WDR7: variants seen among roughly 807,000 people sequenced by gnomAD.
WDR7 encodes WD repeat domain 7, also known as WD repeat-containing protein 7.
WDR7 carries 46 observed loss-of-function variants against 169.4 expected under a neutral mutation model. The observed-to-expected ratio is 0.27, with a 90% confidence interval of 0.21 to 0.35. The LOEUF (loss-of-function observed/expected upper bound fraction) is 0.35, where lower values mean the gene tolerates loss of function less well. Ranked by LOEUF, WDR7 falls within the 10% of genes least tolerant of loss-of-function variation. The probability of loss-of-function intolerance (pLI) is 1.00; values close to 1 mark genes in which losing one functional copy is unlikely to be tolerated. For missense variants in WDR7, 1,534 were observed against 1,859.3 expected (o/e 0.83, Z 3.22); for synonymous variants, 612 against 666.8 (o/e 0.92, Z 1.27).
chr18:56,801,110 C>A (rs1350716842), intron 19 of WDR7, among the ~76,000 whole-genome samples: 1 of 152,096 alleles, frequency 6.6e-6, no homozygotes, highest in African/African-American at 2.4e-5. Context: ...AAGATTTAAT[C>A]TTTTTCCTTT....
chr18:56,780,873 G>C (rs1410254188), intron 18 of WDR7, among the ~76,000 whole-genome samples: 3 of 152,102 alleles, frequency 2.0e-5, no homozygotes, highest in African/African-American at 7.2e-5. Flanking sequence ...TGGCATTTTT[G>C]CCAAAATAAC....
Position 56,682,783 on chromosome 18 carries a change from C to A in WDR7, c.450C>A (p.Tyr150Ter). 1 of 1,613,824 alleles carries A rather than the reference C, an allele frequency of 6.2e-7. No homozygotes were observed. Among genetic ancestry groups the A allele is most frequent in the Non-Finnish European group, 8.5e-7 (1 of 1,179,788 alleles). Reference sequence around the variant, plus strand: ...ATGCTACCAGCCTTGAAGTATTATACTCCTTAGTATCAAAGATATCACCAG... The same window carrying A: ...ATGCTACCAGCCTTGAAGTATTATAATCCTTAGTATCAAAGATATCACCAG... ...VVDATSLEVL[Y>*]SLVSKISPDW... The change falls in exon 5 of 28, where the codon TAC (tyrosine) becomes TAA (stop). Residue 150 changes from tyrosine to a stop codon, truncating the protein, a stop_gained. Transcript: ENST00000254442. LOFTEE classifies it high-confidence loss of function.
chr18:57,034,341 CTCTG>C (rs961871109), downstream of WDR7: 28 of 152,452 alleles, frequency 1.8e-4, no homozygotes, highest in African/African-American at 6.5e-4. Flanking sequence ...AGCTCAACCT[CTCTG>C]TCTGCCCAGG....
chr18:56,879,732 G>A (rs1032767218), intron 20 of WDR7, among the ~76,000 whole-genome samples: 4 of 150,512 alleles, frequency 2.7e-5, no homozygotes, highest in African/African-American at 9.8e-5. Context: ...GTTATATTTA[G>A]GATTATGATC....
chr18:57,012,961 C>T (rs915538498), intron 26 of WDR7, among the ~76,000 whole-genome samples: 4 of 152,194 alleles, frequency 2.6e-5, no homozygotes, highest in African/African-American at 7.2e-5. Flanking sequence ...TGGAACAGCA[C>T]CTGGCATATC....
intron 1 of WDR7, among the ~76,000 whole-genome samples, chr18:56,667,516 T>C (rs2025049482): frequency 6.6e-6 from 1 of 152,208 alleles, no homozygotes; most frequent in African/African-American, 2.4e-5. Context: ...TGGAACCTTG[T>C]ATTTTCTCTC....
chr18:56,779,628 T>C (rs1167452196), intron 18 of WDR7, 79 bp downstream of exon 18: 10 of 1,025,658 alleles, frequency 9.7e-6, no homozygotes, highest in Non-Finnish European at 1.3e-5. Context: ...ACAAAAATGA[T>C]TACTGTTTAT....
chr18:56,794,304 A>ATTTTTTTTCTTTTTTTTTTTTTTTT (rs2044544165), intron 19 of WDR7, among the ~76,000 whole-genome samples: 1 of 49,466 alleles, frequency 2.0e-5, no homozygotes, highest in African/African-American at 6.6e-5. Context: ...GGTAAAGTCT[A>ATTTTTTTTCTTTTTTTTTTTTTTTT]TTTTTTTTTT....
intron 14 of WDR7, among the ~76,000 whole-genome samples, chr18:56,741,889 G>T (rs1169002483): frequency 1.3e-5 from 2 of 152,086 alleles, no homozygotes; most frequent in Non-Finnish European, 2.9e-5. Flanking sequence ...TGTGATGATT[G>T]CATAATACCA....
rs867392193 is a variant in WDR7 at position 56,898,186 on chromosome 18, G to A, written c.3526+18021G>A. On this transcript the variant is annotated intron_variant, in intron 21 of 27. Coordinates refer to ENST00000254442, the MANE Select transcript of WDR7 (RefSeq NM_015285.3). ...AATAGCCAAAACTGGAACAATTTAGGCAACAAAATATGATATATTTTATGG... is the reference window on the plus strand; with the variant it reads ...AATAGCCAAAACTGGAACAATTTAGACAACAAAATATGATATATTTTATGG... Among the ~76,000 whole-genome samples, 4 of 151,770 alleles carry A rather than the reference G, an allele frequency of 2.6e-5. No homozygotes were observed. In the South Asian group the frequency reaches 6.2e-4, roughly 24 times the overall value.
chr18:56,729,830 G>C (rs2026543517), intron 13 of WDR7, among the ~76,000 whole-genome samples: 1 of 152,002 alleles, frequency 6.6e-6, no homozygotes, highest in Admixed American at 6.6e-5. Context: ...ATTTTTATTT[G>C]TACTAAAAGT....
downstream of WDR7, chr18:57,033,160 C>G (rs1321337757): frequency 6.6e-6 from 1 of 152,044 alleles, no homozygotes; most frequent in Non-Finnish European, 1.5e-5. Context: ...AGCACCATAA[C>G]ACTATGGAAT....
intron 22 of WDR7, among the ~76,000 whole-genome samples, chr18:56,927,667 G>GAT (rs1234295545): frequency 6.6e-6 from 1 of 152,050 alleles, no homozygotes; most frequent in Non-Finnish European, 1.5e-5. Context: ...TTAGAAACAT[G>GAT]ATATGCAACT....
intron 19 of WDR7, among the ~76,000 whole-genome samples, chr18:56,807,246 T>C (rs2044790333): frequency 6.6e-6 from 1 of 152,140 alleles, no homozygotes; most frequent in Non-Finnish European, 1.5e-5. Context: ...TAATTCTGCT[T>C]ATAGTTTGAG....
chr18:56,731,193 A>C (rs1317406682), intron 13 of WDR7, among the ~76,000 whole-genome samples, 190 bp from the exon 14 acceptor site: 1 of 152,096 alleles, frequency 6.6e-6, no homozygotes, highest in African/African-American at 2.4e-5. Flanking sequence ...ACTTTGTGGG[A>C]GAGGAATTCA....
intron 12 of WDR7, among the ~76,000 whole-genome samples, chr18:56,701,450 CAG>C (rs1388243642): frequency 2.0e-5 from 3 of 152,034 alleles, no homozygotes; most frequent in Non-Finnish European, 4.4e-5. Context: ...AATTATATGA[CAG>C]ATATAAAGTC....
chr18:56,903,350 A>G (rs1599143696), intron 21 of WDR7, among the ~76,000 whole-genome samples: 1 of 152,168 alleles, frequency 6.6e-6, no homozygotes, highest in African/African-American at 2.4e-5. Context: ...AGCTGTGGAT[A>G]GTAAGTATCC....
intron 6 of WDR7, among the ~76,000 whole-genome samples, chr18:56,686,599 G>A (rs913435786): frequency 1.3e-5 from 2 of 152,104 alleles, no homozygotes; most frequent in African/African-American, 4.8e-5. Context: ...TTTATCATCT[G>A]TCATTACCAG....
chr18:56,880,517 A>G (rs1458396414), intron 21 of WDR7, among the ~76,000 whole-genome samples: 1 of 152,248 alleles, frequency 6.6e-6, no homozygotes, highest in Non-Finnish European at 1.5e-5. Flanking sequence ...ATGTGGTTTG[A>G]AAAGTCAGGA....
Sources: allele counts gnomAD v4.1 joint callset (sites outside exome capture counted in the v4.1 genomes callset), GRCh38; gene constraint gnomAD v4.1.1; transcripts MANE v1.5; gene names NCBI Gene and HGNC (gene_info 2026-07-23, HGNC 2026-07-21).